Variants in FAT1 observed in about 807,000 individuals in gnomAD.
The protein encoded by FAT1 is protocadherin Fat 1.
Under a neutral mutation model 329.8 loss-of-function variants are expected in FAT1, and 171 were observed. The observed-to-expected ratio is 0.52, with a 90% CI of 0.46 to 0.59. FAT1 has a LOEUF of 0.59. Among genes scored for constraint, FAT1 ranks in the 20% least tolerant of loss-of-function variants. The pLI is 0.00. For synonymous variants in FAT1, 2,233 were observed against 2,228.6 expected, an observed-to-expected ratio of 1.00 and a Z score of -0.06; for missense variants, 5,672 against 5,774.4, an observed-to-expected ratio of 0.98 and a Z score of 0.57.
At chr4:186,674,611 T>G (rs932441569) in intron 2 of FAT1, among the ~76,000 whole-genome samples, 1 of 152,062 alleles carries the variant, frequency 6.6e-6, no homozygotes, top group Non-Finnish European at 1.5e-5. Context: ...GCCAAACAGA[T>G]CCCTGTATAG....
At position 186,606,175 on chromosome 4, in the gene FAT1, A is replaced by G. The variant is rs758546748; in HGVS notation, c.10245T>C (p.Asn3415=). 3.4e-5 allele frequency: 55 copies of G among 1,613,148 alleles called. 2 individuals carry two copies. The South Asian group carries it at 6.1e-4, about 18-fold the overall frequency. Reference sequence around the variant, plus strand: ...TCGTGTTGACTCTGGGTGGACTGCCATTATCAGAAGCTTGAACCGTGAGCG... The same window carrying G: ...TCGTGTTGACTCTGGGTGGACTGCCGTTATCAGAAGCTTGAACCGTGAGCG... ...GYTLTVQASD[N]GSPPRVNTTT... is the part of the protein sequence containing the mutation. Residue 3415 remains asparagine (N), a synonymous_variant, in exon 17 of 27, where the codon AAT becomes AAC. Coordinates refer to ENST00000441802, the MANE Select transcript of FAT1 (RefSeq NM_005245.4).
intron 11 of FAT1, among the ~76,000 whole-genome samples, chr4:186,616,061 C>T (rs930742270): frequency 6.6e-6 from 1 of 152,096 alleles, no homozygotes; most frequent in African/African-American, 2.4e-5. Flanking sequence ...GGCTGTCACA[C>T]CAGATGGTCT....
At chr4:186,662,071 A>G (rs777006730) in intron 3 of FAT1, among the ~76,000 whole-genome samples, 39 of 128,600 alleles carry the variant, frequency 3.0e-4, no homozygotes, top group South Asian at 2.4e-3. Flanking sequence ...TGTGATGATG[A>G]TTGTTGAGGT....
rs189271562 is a variant in FAT1, at chr4:186,620,816, C to A, written c.5770G>T (p.Gly1924Trp). 1 of 1,613,966 alleles carries A rather than the reference C, an allele frequency of 6.2e-7. No homozygotes were observed. The highest frequency in any genetic ancestry group is 2.2e-5 in the East Asian group (1 of 44,884). Residue 1924 changes from glycine (G) to tryptophan (W), a missense_variant, in exon 10 of 27, where the codon GGG becomes TGG. By Grantham distance (184) the Gly-to-Trp change is radical. This residue lies in a region of FAT1 where 3,966 missense variants were observed against 3,915.2 expected (regional missense o/e 1.01). Coordinates refer to ENST00000441802, the MANE Select transcript of FAT1 (RefSeq NM_005245.4). ...TTGTAGTCCATAGAAAACTTCTCCC[C>A]GATGTTGCCTTCGGTGATGGAGTAA... ...LIYSITEGNI[G>W]EKFSMDYKTG...
At chr4:186,644,002 T>G (rs450320) in intron 3 of FAT1, among the ~76,000 whole-genome samples, 26,812 of 152,024 alleles carry the variant, frequency 0.18, 2,908 homozygotes, top group East Asian at 0.43. Flanking sequence ...GTACAGAACT[T>G]CAGAACTAGA....
rs1738565163 is a variant in FAT1 at position 186,597,075 on chromosome 4, G to A, written c.12465C>T (p.His4155=). ...THGSYHCNCS[H]EYRGRHCEDA... ...CCTCGCAGTGACGTCCCCTGTACTC[G>A]TGGCTGCAGTTGCAGTGATAGGAGC... The change falls in exon 25 of 27, where the codon CAC becomes CAT. Residue 4155 remains histidine, a synonymous_variant. Coordinates refer to ENST00000441802, the MANE Select transcript of FAT1 (RefSeq NM_005245.4). 3.1e-6 allele frequency: 5 copies of A among 1,614,016 alleles called. No homozygotes were observed. Among genetic ancestry groups the A allele is most frequent in the Non-Finnish European group, 3.4e-6 (4 of 1,179,894 alleles).
chr4:186,646,581 G>A (rs1477124109), intron 3 of FAT1, among the ~76,000 whole-genome samples: 1 of 151,980 alleles, frequency 6.6e-6, no homozygotes. Context: ...ATCCTTTATA[G>A]CATCTCCAAT....
intron 4 of FAT1, among the ~76,000 whole-genome samples, chr4:186,639,103 G>A (rs888940955): frequency 1.3e-5 from 2 of 152,168 alleles, no homozygotes; most frequent in African/African-American, 2.4e-5. Flanking sequence ...GTTTTCTAAG[G>A]ACTAAAAGGC....
chr4:186,620,514 T>C lies in FAT1; in HGVS notation c.6072A>G (p.Lys2024=), dbSNP rs779697149. 6.2e-7 allele frequency: 1 copy of C among 1,613,982 alleles called. No homozygotes were observed. The highest frequency in any genetic ancestry group is 8.5e-7 in the Non-Finnish European group (1 of 1,179,900). Residue 2024 remains lysine, a synonymous_variant, in exon 10 of 27, where the codon AAA becomes AAG. Transcript: ENST00000441802. ...ACAGAACTCCTGAAGTGCGGCTTAT[T>C]TTAAATCTGCGATCTGGGTTGAGGA... ...YHILNPDRRF[K]ISRTSGVLST...
intron 16 of FAT1, 100 bp from the exon 17 acceptor site, chr4:186,606,313 G>T: frequency 1.5e-6 from 2 of 1,344,754 alleles, no homozygotes; most frequent in Non-Finnish European, 2.1e-6. Flanking sequence ...AGGTCCCAGT[G>T]AGCTACCACT....
intron 3 of FAT1, among the ~76,000 whole-genome samples, chr4:186,644,167 C>T (rs749295592): frequency 2.0e-5 from 3 of 152,094 alleles, no homozygotes; most frequent in East Asian, 1.9e-4. Flanking sequence ...CACCTGACTG[C>T]GTAATTTGCT....
At chr4:186,667,746 T>C (rs998097551) in intron 2 of FAT1, among the ~76,000 whole-genome samples, 1 of 152,166 alleles carries the variant, frequency 6.6e-6, no homozygotes, top group African/African-American at 2.4e-5. Context: ...ATGATTTTCA[T>C]CCCAGCTTTA....
chr4:186,617,775 A>G lies in FAT1; in HGVS notation c.8811T>C (p.Ile2937=), dbSNP rs1346470039. Residue 2937 remains isoleucine (I), a synonymous_variant, in exon 10 of 27, where the codon ATT becomes ATC. Coordinates refer to ENST00000441802, the MANE Select transcript of FAT1 (RefSeq NM_005245.4). ...VSEDDPQGGV[I]AILSTTDADS... is the part of the protein sequence containing the mutation. ...CAGCATCCGTGGTACTTAAGATGGC[A>G]ATCACCCCACCTTGGGGGTCATCCT... The G allele has an allele frequency of 1.2e-6, 2 of 1,613,532 alleles. No homozygotes were observed. Among genetic ancestry groups the G allele is most frequent in the Non-Finnish European group, 1.7e-6 (2 of 1,179,614 alleles).
chr4:186,691,054 T>C (rs927249997), intron 2 of FAT1, among the ~76,000 whole-genome samples: 15 of 152,240 alleles, frequency 9.9e-5, no homozygotes, highest in Admixed American at 6.5e-5. Context: ...GTTATACTAA[T>C]TCATTTGATT....
chr4:186,612,720 T>A, intron 13 of FAT1, among the ~76,000 whole-genome samples: 1 of 152,308 alleles, frequency 6.6e-6, no homozygotes, highest in Non-Finnish European at 1.5e-5. Flanking sequence ...CAATTTTCTC[T>A]AAAAAAATTT....
rs531890135 is a variant in FAT1 at position 186,708,741 on chromosome 4, C to T, written c.1087G>A (p.Gly363Arg). ...IHVTSPQFKA[G>R]PVKFEKDVYR... Reference sequence around the variant, plus strand: ...ACATCCTTTTCAAACTTGACTGGCCCGGCTTTGAACTGTGGAGAAGTCACG... The same window carrying T: ...ACATCCTTTTCAAACTTGACTGGCCTGGCTTTGAACTGTGGAGAAGTCACG... The change falls in exon 2 of 27, where the codon GGG (glycine) becomes AGG (arginine). Residue 363 changes from glycine to arginine, a missense_variant. Gly to Arg is a moderately radical substitution (Grantham distance 125, BLOSUM62 -2). Transcript: ENST00000441802. The T allele has an allele frequency of 6.8e-5, 109 of 1,613,816 alleles. No individual in the cohort carries two copies. Among genetic ancestry groups the T allele is most frequent in the African/African-American group, 1.5e-4 (11 of 74,906 alleles).
At position 186,588,684 on chromosome 4, in the gene FAT1, C is replaced by G. The variant is rs146328457; in HGVS notation, c.13675G>C (p.Val4559Leu). The change falls in exon 27 of 27, where the codon GTC (valine) becomes CTC (leucine). Residue 4559 changes from valine (V) to leucine (L), a missense_variant. By Grantham distance (32) the Val-to-Leu change is conservative. Around this residue, in one of 2 missense-constraint regions of FAT1, gnomAD observed 1,706 missense variants for 1,859.1 expected, o/e 0.92. Transcript: ENST00000441802. ...VSACCEVESE[V>L]MMSDYESGDD... ...CCGCTCTCATAGTCACTCATCATGA[C>G]CTCGGACTCCACTTCGCAGCAGGCT... The G allele has an allele frequency of 6.2e-7, 1 of 1,613,974 alleles. No individual in the cohort carries two copies. Among genetic ancestry groups the G allele is most frequent in the Middle Eastern group, 1.6e-4 (1 of 6,062 alleles).
chr4:186,627,358 T>C (rs1162331780), intron 9 of FAT1, among the ~76,000 whole-genome samples: 4 of 152,060 alleles, frequency 2.6e-5, no homozygotes, highest in Non-Finnish European at 5.9e-5. Flanking sequence ...TAAAACGAGC[T>C]TCATCAGCCC....
At chr4:186,610,683 A>AT (rs1439491245) in intron 14 of FAT1, among the ~76,000 whole-genome samples, 91 of 53,862 alleles carry the variant, frequency 1.7e-3, no homozygotes, top group Non-Finnish European at 2.2e-3. Flanking sequence ...ATATAAATAT[A>AT]AATTATATAA....
Sources: gnomAD v4.1 joint callset for allele counts (sites outside exome capture counted in the v4.1 genomes callset) on GRCh38, gnomAD v4.1.1 for gene constraint, gnomAD v4.1.1 regional missense constraint, MANE v1.5 for transcripts, NCBI Gene and HGNC (gene_info 2026-07-23, HGNC 2026-07-21) for gene names.